PCSK5: variants seen among roughly 807,000 people sequenced by gnomAD.
The protein encoded by PCSK5 is prohormone convertase 5.
In PCSK5, 129 loss-of-function variants were observed where a neutral mutation model predicts 233.2. The observed-to-expected ratio is 0.55, with a 90% confidence interval of 0.48 to 0.64. The LOEUF (loss-of-function observed/expected upper bound fraction) is 0.64. Among genes scored for constraint, PCSK5 ranks in the 30% least tolerant of loss-of-function variants. The pLI is 0.00. For synonymous variants in PCSK5, 825 were observed against 879.2 expected, an observed-to-expected ratio of 0.94 and a Z score of 1.09; for missense variants, 2,076 against 2,430.1, an observed-to-expected ratio of 0.85 and a Z score of 3.06.
intron 8 of PCSK5, among the ~76,000 whole-genome samples, chr9:76,105,315 A>T (rs934688850): frequency 3.3e-5 from 5 of 152,322 alleles, no homozygotes; most frequent in African/African-American, 1.2e-4. Context: ...CACTTACATG[A>T]GGTATGTAGA....
At chr9:76,214,307 C>T (rs1018951813) in intron 20 of PCSK5, among the ~76,000 whole-genome samples, 3 of 151,200 alleles carry the variant, frequency 2.0e-5, no homozygotes, top group Admixed American at 6.6e-5. Flanking sequence ...CACACACACA[C>T]GTGCACACAC....
chr9:76,081,136 T>C (rs1389951934), intron 7 of PCSK5, among the ~76,000 whole-genome samples: 1 of 152,182 alleles, frequency 6.6e-6, no homozygotes, highest in Non-Finnish European at 1.5e-5. Context: ...ACACCACTTA[T>C]TATATGCTCC....
At chr9:76,031,168 A>G (rs1393470137) in intron 5 of PCSK5, among the ~76,000 whole-genome samples, 2 of 152,192 alleles carry the variant, frequency 1.3e-5, no homozygotes, top group African/African-American at 2.4e-5. Flanking sequence ...CTCTTTGCTC[A>G]TTAGACCATA....
chr9:76,222,567 G>A (rs1825762290), intron 20 of PCSK5, among the ~76,000 whole-genome samples: 1 of 152,048 alleles, frequency 6.6e-6, no homozygotes. Context: ...TACTACTCCA[G>A]TTACCTCATA....
At chr9:76,040,431 A>G (rs1440516422) in intron 5 of PCSK5, among the ~76,000 whole-genome samples, 1 of 133,450 alleles carries the variant, frequency 7.5e-6, no homozygotes, top group Non-Finnish European at 1.6e-5. Flanking sequence ...CTTTCCTCAT[A>G]GATCAGCTGT....
intron 2 of PCSK5, among the ~76,000 whole-genome samples, chr9:75,960,192 A>G (rs181252458): frequency 1.4e-5 from 2 of 145,582 alleles, no homozygotes; most frequent in Admixed American, 1.3e-4. Flanking sequence ...AAATAAAGAT[A>G]AAACAGACAA....
intron 9 of PCSK5, among the ~76,000 whole-genome samples, chr9:76,112,820 C>T (rs1832277445): frequency 6.6e-6 from 1 of 151,726 alleles, no homozygotes; most frequent in African/African-American, 2.4e-5. Flanking sequence ...TCAATGAAAT[C>T]GTTCTGGGGG....
At chr9:76,073,190 T>A (rs1830537320) in intron 7 of PCSK5, among the ~76,000 whole-genome samples, 2 of 152,250 alleles carry the variant, frequency 1.3e-5, no homozygotes, top group Non-Finnish European at 2.9e-5. Flanking sequence ...ATTAATGTAA[T>A]GTTGCAGCTG....
At chr9:76,128,810 A>G (rs1284335608) in intron 9 of PCSK5, among the ~76,000 whole-genome samples, 8 of 152,160 alleles carry the variant, frequency 5.3e-5, no homozygotes, top group Admixed American at 3.3e-4. Flanking sequence ...GGTAATACCA[A>G]TACAACTCAC....
At chr9:76,167,366 A>G (rs1055187422) in intron 12 of PCSK5, among the ~76,000 whole-genome samples, 1 of 152,234 alleles carries the variant, frequency 6.6e-6, no homozygotes, top group South Asian at 2.1e-4. Flanking sequence ...GATGTCCTCT[A>G]TTAAAGAGTT....
chr9:76,066,794 G>A (rs1382962946), intron 5 of PCSK5, among the ~76,000 whole-genome samples: 2 of 152,182 alleles, frequency 1.3e-5, no homozygotes, highest in South Asian at 2.1e-4. Context: ...TGCACAGAGA[G>A]TAGTGGTCTG....
At chr9:76,070,404 G>A (rs2131600684) in intron 6 of PCSK5, among the ~76,000 whole-genome samples, 1 of 152,292 alleles carries the variant, frequency 6.6e-6, no homozygotes, top group Middle Eastern at 3.4e-3. Flanking sequence ...ACAGTCAAGA[G>A]ACATTAACAA....
rs114630369 is a variant in PCSK5 at position 76,148,480 on chromosome 9, C to T, written c.1313-8565C>T. Among the ~76,000 whole-genome samples the T allele has an allele frequency of 8.3e-3, 1,266 of 152,070 alleles. 17 individuals are homozygous for T. Among genetic ancestry groups the T allele is most frequent in the African/African-American group, 0.027 (1,099 of 41,464 alleles). On this transcript the variant is annotated intron_variant, in intron 10 of 37. Transcript: ENST00000674117. ...TCTTCACCAAAGATTTTCAATTCTA[C>T]GTCTTCAACATTGACTTCATCCACT...
intron 20 of PCSK5, among the ~76,000 whole-genome samples, chr9:76,218,443 A>T (rs999478138): frequency 6.6e-6 from 1 of 152,104 alleles, no homozygotes; most frequent in African/African-American, 2.4e-5. Context: ...ACAATTTGGG[A>T]TCCAGTCTGA....
At chr9:76,322,922 G>A in intron 31 of PCSK5, 130 bp from the exon 32 acceptor site, 1 of 623,966 alleles carries the variant, frequency 1.6e-6, no homozygotes, top group South Asian at 1.9e-5. Flanking sequence ...CCCTGGCAGG[G>A]TGGGTAAAGG....
chr9:76,351,982 G>T (rs933883401), intron 36 of PCSK5, among the ~76,000 whole-genome samples: 9 of 152,086 alleles, frequency 5.9e-5, no homozygotes, highest in African/African-American at 2.2e-4. Flanking sequence ...CTGGAAAGGG[G>T]TCCCAGTCCA....
intron 34 of PCSK5, among the ~76,000 whole-genome samples, chr9:76,334,710 C>A (rs774813748): frequency 1.4e-4 from 21 of 150,896 alleles, no homozygotes; most frequent in Non-Finnish European, 2.8e-4. Context: ...CAACCTGGAG[C>A]AAGATTCTGT....
At chr9:76,244,810 C>T (rs79945621) in intron 24 of PCSK5, among the ~76,000 whole-genome samples, 2,546 of 152,006 alleles carry the variant, frequency 0.017, 70 homozygotes, top group African/African-American at 0.054. Context: ...TACTTTGAGA[C>T]GAAATAAGGA....
At chr9:76,054,656 T>C (rs11144734) in intron 5 of PCSK5, among the ~76,000 whole-genome samples, 3,573 of 152,342 alleles carry the variant, frequency 0.023, 65 homozygotes, top group Non-Finnish European at 0.039. Context: ...CAACTATTTT[T>C]AAAAATACTG....
Sources: allele counts gnomAD v4.1 joint callset (sites outside exome capture counted in the v4.1 genomes callset), GRCh38; gene constraint gnomAD v4.1.1; transcripts MANE v1.5; gene names NCBI Gene and HGNC (gene_info 2026-07-23, HGNC 2026-07-21).